CYP4F22: variants seen among roughly 807,000 people sequenced by gnomAD.
The protein encoded by CYP4F22 is ultra-long-chain fatty acid omega-hydroxylase.
A neutral mutation model predicts 60.4 loss-of-function variants in CYP4F22; 37 were observed. The observed-to-expected ratio is 0.61, with a 90% confidence interval of 0.47 to 0.81. The LOEUF (loss-of-function observed/expected upper bound fraction) is 0.81, where lower values mean the gene tolerates loss of function less well. CYP4F22 is among the 30% of genes least tolerant of loss of function. CYP4F22 has a pLI of 0.00. For missense variants in CYP4F22, 655 were observed against 715.0 expected (o/e 0.92, Z 0.96); for synonymous variants, 258 against 280.5 (o/e 0.92, Z 0.80).
chr19:15,525,986 A>C (rs1971278537), intron 3 of CYP4F22, among the ~76,000 whole-genome samples: 1 of 151,870 alleles, frequency 6.6e-6, no homozygotes, highest in South Asian at 2.1e-4. Context: ...ACACAGTGAG[A>C]CCCCATCTCT....
Position 15,540,541 on chromosome 19 carries a change from T to A in CYP4F22, c.763T>A (p.Tyr255Asn). ...CTTGCACCACTACCTCGACTTCATT[T>A]ACTACCGCTCGGCGGATGGGCGGAG... ...YRLHHYLDFIYYRSADGRRFR... is the reference protein window; with the variant it reads ...YRLHHYLDFINYRSADGRRFR... The change falls in exon 8 of 14, where the codon TAC becomes AAC. Residue 255 changes from tyrosine (Y) to asparagine (N), a missense_variant. By Grantham distance (143) the Tyr-to-Asn change is moderately radical (BLOSUM62 -2). Around this residue, in one of 3 missense-constraint regions of CYP4F22, gnomAD observed 430 missense variants for 457.1 expected, o/e 0.94. Coordinates refer to ENST00000269703, the MANE Select transcript of CYP4F22 (RefSeq NM_173483.4). The A allele has an allele frequency of 6.2e-7, 1 of 1,614,216 alleles. No individual in the cohort carries two copies.
chr19:15,508,649 C>G (rs1971047534), intron 1 of CYP4F22, 66 bp downstream of exon 1: 1 of 152,308 alleles, frequency 6.6e-6, no homozygotes. Flanking sequence ...GAACCCGAGG[C>G]TCGCGCGGTT....
intron 2 of CYP4F22, 51 bp from the exon 3 acceptor site, chr19:15,525,285 G>T: frequency 6.4e-7 from 1 of 1,570,016 alleles, no homozygotes; most frequent in South Asian, 1.1e-5. Context: ...ATTACCCCAT[G>T]GGTCATCGTC....
rs145181388 is a variant in CYP4F22, at chr19:15,526,240, T to A, written c.222+682T>A. Among the ~76,000 whole-genome samples the A allele has an allele frequency of 7.6e-4, 115 of 152,204 alleles. 2 individuals are homozygous for A. In the East Asian group the frequency reaches 0.02, roughly 26 times the overall value. On this transcript the variant is annotated intron_variant, in intron 3 of 13. Transcript: ENST00000269703. ...ACAATAGGTACCTTTACCTTTGGAG[T>A]TTGGAATCCCAGGGCAGGGTTGGAG...
Position 15,543,977 on chromosome 19 carries a change from G to A in CYP4F22, c.946G>A (p.Asp316Asn), listed in dbSNP as rs776523823. Residue 316 changes from aspartate (D) to asparagine (N), a missense_variant, in exon 9 of 14, where the codon GAT (aspartate) becomes AAT (asparagine). By Grantham distance (23) the Asp-to-Asn change is conservative (BLOSUM62 1). Coordinates refer to ENST00000269703, the MANE Select transcript of CYP4F22 (RefSeq NM_173483.4). Reference protein sequence around the residue: ...IDVLLLARDEDGKELSDEDIR... With the variant: ...IDVLLLARDENGKELSDEDIR... Reference sequence around the variant, plus strand: ...CCTCTACTGCCCATTCCAGGATGAAGATGGAAAGGAACTGTCAGACGAGGA... The same window carrying A: ...CCTCTACTGCCCATTCCAGGATGAAAATGGAAAGGAACTGTCAGACGAGGA... 6.2e-6 allele frequency: 10 copies of A among 1,613,944 alleles called. No homozygotes were observed. In the East Asian group the frequency reaches 2.2e-4, roughly 36 times the overall value.
intron 4 of CYP4F22, among the ~76,000 whole-genome samples, chr19:15,534,852 T>C (rs901185967): frequency 6.6e-6 from 1 of 152,124 alleles, no homozygotes; most frequent in African/African-American, 2.4e-5. Context: ...TGCCAGTGCC[T>C]TGATGCAGAT....
rs1008438212 is a variant in CYP4F22 at position 15,509,985 on chromosome 19, TTTG to T, written c.-109+1415_-109+1417del. ...CTCTCTTTCTTTCTTTCTTTCTTTT[TTTG>T]TTGTTGTTGTTGAGACAGGGTCTCA... is the stretch of plus-strand genomic sequence containing the variant. On this transcript the variant is annotated intron_variant, in intron 1 of 13. Transcript: ENST00000269703. Among the ~76,000 whole-genome samples, 56 of 145,822 alleles carry T rather than the reference TTTG, an allele frequency of 3.8e-4. 1 individual carries two copies. The highest frequency in any genetic ancestry group is 2.4e-4 in the Non-Finnish European group (16 of 65,778).
intron 4 of CYP4F22, among the ~76,000 whole-genome samples, chr19:15,531,202 C>A (rs6512043): frequency 1.3e-5 from 2 of 151,970 alleles, no homozygotes; most frequent in Admixed American, 1.3e-4. Context: ...TCTAGCAAGA[C>A]CCCATCTGTA....
rs142364533 is a variant in CYP4F22, at chr19:15,537,881, C to T, written c.559C>T (p.Arg187Trp). 736 of 1,613,888 alleles carry T rather than the reference C, an allele frequency of 4.6e-4. 1 individual carries two copies. The highest frequency in any genetic ancestry group is 5.8e-4 in the Non-Finnish European group (681 of 1,180,026). Reference sequence around the variant, plus strand: ...TGTATCTCTCTTCCAGGCTAAATGGCGGCATCTGGCAGAGGGCTCAGCGGT... The same window carrying T: ...TGTATCTCTCTTCCAGGCTAAATGGTGGCATCTGGCAGAGGGCTCAGCGGT... ...QSADIMHAKW[R>W]HLAEGSAVSL... is the part of the protein sequence containing the mutation. The change falls in exon 7 of 14, where the codon CGG (arginine) becomes TGG (tryptophan). Residue 187 changes from arginine to tryptophan, a missense_variant. Physicochemically the swap from Arg to Trp is moderately radical, Grantham distance 101. Around this residue, in one of 3 missense-constraint regions of CYP4F22, gnomAD observed 430 missense variants for 457.1 expected, o/e 0.94. Transcript: ENST00000269703.
In CYP4F22 at chr19:15,516,280, C is replaced by T. The variant is rs143516133; in HGVS notation, c.-108-7413C>T. Among the ~76,000 whole-genome samples the T allele has an allele frequency of 7.4e-3, 1,121 of 152,314 alleles. 20 individuals are homozygous for T. Among genetic ancestry groups the T allele is most frequent in the African/African-American group, 0.024 (1,012 of 41,556 alleles). ...CATGTCCCAGCTCGCAGCCCATGCC[C>T]TTTCCTTATTTGGAAATATTATTGC... is the stretch of plus-strand genomic sequence containing the variant. On this transcript the variant is annotated intron_variant, in intron 1 of 13. Coordinates refer to ENST00000269703, the MANE Select transcript of CYP4F22 (RefSeq NM_173483.4).
At chr19:15,538,308 T>C (rs1224624967) in intron 7 of CYP4F22, among the ~76,000 whole-genome samples, 1 of 152,190 alleles carries the variant, frequency 6.6e-6, no homozygotes, top group Non-Finnish European at 1.5e-5. Context: ...GAGTATGTGG[T>C]CTTTGGACAG....
chr19:15,537,344 C>T lies in CYP4F22; in HGVS notation c.368-17C>T. ...AAACTCTGTTTTGAGTCACCATTTT[C>T]CCTTTGCCCTCCACAGCTGCCATCG... On this transcript the variant is annotated splice_polypyrimidine_tract_variant and intron_variant, in intron 4 of 13. Coordinates refer to ENST00000269703, the MANE Select transcript of CYP4F22 (RefSeq NM_173483.4). The T allele has an allele frequency of 6.2e-7, 1 of 1,613,984 alleles. No individual in the cohort carries two copies. Among genetic ancestry groups the T allele is most frequent in the Non-Finnish European group, 8.5e-7 (1 of 1,179,992 alleles).
At chr19:15,533,134 G>A (rs1204648514) in intron 4 of CYP4F22, among the ~76,000 whole-genome samples, 1 of 152,158 alleles carries the variant, frequency 6.6e-6, no homozygotes, top group Non-Finnish European at 1.5e-5. Flanking sequence ...ATCATCTTAT[G>A]GGCCTTTGGA....
At chr19:15,521,907 G>A (rs1160341425) in intron 1 of CYP4F22, among the ~76,000 whole-genome samples, 1 of 152,102 alleles carries the variant, frequency 6.6e-6, no homozygotes, top group African/African-American at 2.4e-5. Context: ...CACTTTGGGA[G>A]GTGGAGGTGG....
At chr19:15,526,460 T>G (rs1435373883) in intron 3 of CYP4F22, among the ~76,000 whole-genome samples, 1 of 152,234 alleles carries the variant, frequency 6.6e-6, no homozygotes, top group Non-Finnish European at 1.5e-5. Flanking sequence ...TGCTGAGTCC[T>G]TTTTAATTTT....
chr19:15,544,738 C>A (rs538908534), intron 10 of CYP4F22, among the ~76,000 whole-genome samples: 2 of 152,228 alleles, frequency 1.3e-5, no homozygotes, highest in South Asian at 4.1e-4. Context: ...AAGGCAGATT[C>A]CAGAAGCACA....
chr19:15,527,184 C>A (rs1971292263), intron 3 of CYP4F22, among the ~76,000 whole-genome samples: 1 of 152,128 alleles, frequency 6.6e-6, no homozygotes. Context: ...CCAGTTTCAT[C>A]CCTTCGGTCC....
At chr19:15,540,950 G>A (rs139901168) in intron 8 of CYP4F22, among the ~76,000 whole-genome samples, 5 of 152,112 alleles carry the variant, frequency 3.3e-5, no homozygotes, top group Admixed American at 3.3e-4. Flanking sequence ...GTGTGGTGCC[G>A]CATGCCTATG....
intron 3 of CYP4F22, 67 bp downstream of exon 3, chr19:15,525,625 G>A: frequency 6.7e-7 from 1 of 1,483,786 alleles, no homozygotes; most frequent in Non-Finnish European, 9.2e-7. Context: ...GGTAGGGATG[G>A]TGGGCCTGCT....
Sources: gnomAD v4.1 joint callset for allele counts (sites outside exome capture counted in the v4.1 genomes callset) on GRCh38, gnomAD v4.1.1 for gene constraint, gnomAD v4.1.1 regional missense constraint, MANE v1.5 for transcripts, NCBI Gene and HGNC (gene_info 2026-07-23, HGNC 2026-07-21) for gene names.